The following DOP1A variants were observed in gnomAD, a reference collection of about 807,000 sequenced individuals.
DOP1A encodes protein DOP1A.
In DOP1A, 90 loss-of-function variants were observed where a neutral mutation model predicts 267.6. That is an observed-to-expected ratio of 0.34 (90% confidence interval 0.28 to 0.40). The LOEUF (loss-of-function observed/expected upper bound fraction) is 0.40, where lower values mean the gene tolerates loss of function less well. Among genes scored for constraint, DOP1A ranks in the 10% least tolerant of loss-of-function variants. The pLI, the probability that DOP1A is intolerant of heterozygous loss-of-function variation, is 1.00. For synonymous variants in DOP1A, 932 were observed against 999.1 expected (o/e 0.93, Z 1.27); for missense variants, 2,437 against 2,900.4 (o/e 0.84, Z 3.67).
In DOP1A at chr6:83,108,980, A is replaced by T. The variant is rs1198453870; in HGVS notation, c.391A>T (p.Ile131Leu). The T allele has an allele frequency of 1.9e-6, 3 of 1,613,630 alleles. No homozygotes were observed. The highest frequency in any genetic ancestry group is 3.3e-5 in the Admixed American group (2 of 59,988). The part of the protein sequence containing the change: ...VKPTLLSLYE[I>L]YYLPLGKTLK... ...ACCAACATTGCTCAGTTTGTATGAG[A>T]TATATTATCTGCCTTTGGGTAAAAC... The change falls in exon 5 of 39, where the codon ATA becomes TTA. Residue 131 changes from isoleucine to leucine, a missense_variant. Coordinates refer to ENST00000349129, the MANE Select transcript of DOP1A (RefSeq NM_015018.4).
chr6:83,145,222 A>AAT lies in DOP1A; in HGVS notation c.5542-288_5542-287dup, dbSNP rs1231696950. ...TATATATAATAATATATATATATATAATATATATATATATAAGTAAAATTT... is the reference window on the plus strand; with the variant it reads ...TATATATAATAATATATATATATATAATATATATATATATATAAGTAAAATTT... On this transcript the variant is annotated intron_variant, in intron 24 of 38. Transcript: ENST00000349129. Among the ~76,000 whole-genome samples, 173 of 70,550 alleles carry AAT rather than the reference A, an allele frequency of 2.5e-3. 6 individuals are homozygous for AAT. The highest frequency in any genetic ancestry group is 0.011 in the East Asian group (31 of 2,724). The allele number at this position is 70,550 out of a possible 152,430, so 46.3% of individuals were successfully genotyped here. A position where few individuals can be genotyped will look rare whatever the true frequency, so the allele number is the denominator to read the frequency against.
chr6:83,114,932 C>T (rs117931079), intron 7 of DOP1A, among the ~76,000 whole-genome samples: 2,771 of 152,306 alleles, frequency 0.018, 50 homozygotes, highest in Admixed American at 0.06. Context: ...CTCCCTATTA[C>T]TGTACCAAAC....
At chr6:83,117,391 C>T (rs181112839) in intron 7 of DOP1A, among the ~76,000 whole-genome samples, 67 of 152,166 alleles carry the variant, frequency 4.4e-4, no homozygotes, top group Admixed American at 5.9e-4. Context: ...ACCTTGTGAT[C>T]CGCCTGCCTT....
Position 83,132,333 on chromosome 6 carries a change from A to ATAC in DOP1A, c.2769+6_2769+7insACT. 1 of 1,566,922 alleles carries ATAC rather than the reference A, an allele frequency of 6.4e-7. No homozygotes were observed. Among genetic ancestry groups the ATAC allele is most frequent in the Non-Finnish European group, 8.6e-7 (1 of 1,157,374 alleles). On this transcript the variant is annotated splice_donor_region_variant and intron_variant, in intron 18 of 38. Transcript: ENST00000349129. ...CAGTTAACCCATAAAGATAAGGTAAATCCTCTTATCTTGTGCACACCGCCC... is the reference window on the plus strand; with the variant it reads ...CAGTTAACCCATAAAGATAAGGTAAATACTCCTCTTATCTTGTGCACACCGCCC...
intron 1 of DOP1A, among the ~76,000 whole-genome samples, chr6:83,078,983 C>T (rs1486871213): frequency 6.6e-6 from 1 of 152,110 alleles, no homozygotes. Flanking sequence ...GTTGTAGGAG[C>T]TGGGGGAAGG....
At chr6:83,116,764 T>C (rs1392131056) in intron 7 of DOP1A, among the ~76,000 whole-genome samples, 2 of 152,098 alleles carry the variant, frequency 1.3e-5, no homozygotes, top group African/African-American at 4.8e-5. Flanking sequence ...TGAGCCAAGA[T>C]TGCAACACTG....
chr6:83,125,729 A>G lies in DOP1A; in HGVS notation c.1715A>G (p.Lys572Arg). Residue 572 changes from lysine to arginine, a missense_variant, in exon 15 of 39, where the codon AAA becomes AGA. Around this residue, in one of 9 missense-constraint regions of DOP1A, gnomAD observed 498 missense variants for 513.5 expected, o/e 0.97. Transcript: ENST00000349129. The part of the protein sequence containing the change: ...QNNSVKEWED[K>R]KVSSVSHENP... ...AATTCAGTCAAAGAGTGGGAAGACA[A>G]AAAGGTAATTTTAACTATTATTTTT... is the stretch of plus-strand genomic sequence containing the variant. 1 of 1,607,024 alleles carries G rather than the reference A, an allele frequency of 6.2e-7. No individual in the cohort carries two copies. Among genetic ancestry groups the G allele is most frequent in the Non-Finnish European group, 8.5e-7 (1 of 1,174,128 alleles).
At chr6:83,169,585 GA>G, downstream of DOP1A, 1 of 481,506 alleles carries the variant, frequency 2.1e-6, no homozygotes, top group Non-Finnish European at 3.8e-6. Flanking sequence ...TTCCACAACT[GA>G]AAAAATTCAA....
At chr6:83,082,593 G>C (rs1359216847) in intron 1 of DOP1A, among the ~76,000 whole-genome samples, 1 of 152,150 alleles carries the variant, frequency 6.6e-6, no homozygotes. Context: ...CTGTTGTACA[G>C]CATAGTGGCT....
chr6:83,095,512 C>G (rs1771316631), intron 1 of DOP1A, among the ~76,000 whole-genome samples: 1 of 152,126 alleles, frequency 6.6e-6, no homozygotes, highest in Non-Finnish European at 1.5e-5. Flanking sequence ...GTCCGTGCAT[C>G]CAGCTCTAGA....
At chr6:83,127,931 G>A (rs1186489255) in intron 15 of DOP1A, among the ~76,000 whole-genome samples, 1 of 152,108 alleles carries the variant, frequency 6.6e-6, no homozygotes, top group Non-Finnish European at 1.5e-5. Flanking sequence ...TAAATAACTT[G>A]CCAGGTATCA....
intron 7 of DOP1A, among the ~76,000 whole-genome samples, chr6:83,116,889 T>C (rs1451712222): frequency 2.6e-5 from 4 of 152,174 alleles, no homozygotes; most frequent in Non-Finnish European, 4.4e-5. Context: ...AGCCCAACTT[T>C]TATTATTTGT....
chr6:83,150,116 T>C (rs1019596838), intron 27 of DOP1A, among the ~76,000 whole-genome samples: 1 of 152,192 alleles, frequency 6.6e-6, no homozygotes, highest in Non-Finnish European at 1.5e-5. Context: ...GGCTCATGCC[T>C]GCAATCCCAG....
chr6:83,112,954 C>G (rs938296454), intron 6 of DOP1A, among the ~76,000 whole-genome samples: 2 of 152,100 alleles, frequency 1.3e-5, no homozygotes, highest in African/African-American at 2.4e-5. Context: ...AAATAAAATA[C>G]TTTGGCCATT....
intron 27 of DOP1A, among the ~76,000 whole-genome samples, chr6:83,149,957 C>T (rs1292053597): frequency 6.6e-6 from 1 of 152,188 alleles, no homozygotes; most frequent in Non-Finnish European, 1.5e-5. Context: ...TCCTAATTGT[C>T]CAATCACCAG....
At chr6:83,134,136 A>G in intron 18 of DOP1A, 51 bp from the exon 19 acceptor site, 4 of 1,485,294 alleles carry the variant, frequency 2.7e-6, no homozygotes, top group Non-Finnish European at 3.7e-6. Context: ...CTAAAATCAT[A>G]GTATCTTCAA....
Position 83,145,642 on chromosome 6 carries a change from C to T in DOP1A, c.5660C>T (p.Ala1887Val). 3 of 1,613,302 alleles carry T rather than the reference C, an allele frequency of 1.9e-6. No homozygotes were observed. The highest frequency in any genetic ancestry group is 2.2e-5 in the East Asian group (1 of 44,778). The stretch of plus-strand genomic sequence containing the variant: ...AAAGAAGTTTTAAAGCAGCCACCAG[C>T]CATAGCCAAGGACAAGGTAAGAAAA... ...TVKEVLKQPPAIAKDKKHLSL... is the reference protein window; with the variant it reads ...TVKEVLKQPPVIAKDKKHLSL... Residue 1887 changes from alanine (A) to valine (V), a missense_variant, in exon 25 of 39, where the codon GCC becomes GTC. Ala to Val is a moderately conservative substitution (Grantham distance 64). Coordinates refer to ENST00000349129, the MANE Select transcript of DOP1A (RefSeq NM_015018.4).
chr6:83,158,351 A>G (rs916050338), intron 35 of DOP1A, among the ~76,000 whole-genome samples: 7 of 152,122 alleles, frequency 4.6e-5, no homozygotes, highest in Non-Finnish European at 1.0e-4. Context: ...CTAAAAACAA[A>G]AGCTCACCTT....
rs1409388750 is a variant in DOP1A at position 83,096,906 on chromosome 6, C to G, written c.-53-19C>G. 11 of 1,554,556 alleles carry G rather than the reference C, an allele frequency of 7.1e-6. No individual in the cohort carries two copies. Among genetic ancestry groups the G allele is most frequent in the Non-Finnish European group, 9.6e-6 (11 of 1,149,430 alleles). On this transcript the variant is annotated intron_variant, in intron 2 of 38. Transcript: ENST00000349129. ...TTAATACTTTGTAACCTTGGTTCCT[C>G]CTGCAAACTCTTTTGTAGGTAATGA...
Sources: allele counts gnomAD v4.1 joint callset (sites outside exome capture counted in the v4.1 genomes callset), GRCh38; gene constraint gnomAD v4.1.1; regional missense constraint gnomAD v4.1.1; transcripts MANE v1.5; gene names NCBI Gene and HGNC (gene_info 2026-07-23, HGNC 2026-07-21).